LARP7: variants seen among roughly 807,000 people sequenced by gnomAD.
LARP7 encodes La ribonucleoprotein 7, transcriptional regulator.
LARP7 carries 52 observed loss-of-function variants against 69.3 expected under a neutral mutation model. That is an observed-to-expected ratio of 0.75 (90% CI 0.60 to 0.95). The LOEUF (loss-of-function observed/expected upper bound fraction) is 0.95, where lower values mean the gene tolerates loss of function less well. LARP7 is among the 40% of genes least tolerant of loss of function. The probability of loss-of-function intolerance (pLI) is 0.00; values close to 1 mark genes in which losing one functional copy is unlikely to be tolerated. For missense variants in LARP7, 733 were observed against 673.0 expected, an observed-to-expected ratio of 1.09 and a Z score of -0.99; for synonymous variants, 254 against 215.9, an observed-to-expected ratio of 1.18 and a Z score of -1.55.
chr4:112,640,910 T>G (rs2047935288), intron 1 of LARP7, among the ~76,000 whole-genome samples: 1 of 151,904 alleles, frequency 6.6e-6, no homozygotes, highest in Admixed American at 6.6e-5. Flanking sequence ...GTAAGGAAGG[T>G]AAAGGGAGCA....
chr4:112,645,682 C>G (rs942511968), intron 2 of LARP7: 4 of 443,876 alleles, frequency 9.0e-6, no homozygotes, highest in Non-Finnish European at 1.8e-5. Context: ...ACCAGGCCGG[C>G]TTTTTTTTCT....
chr4:112,647,312 TC>T lies in LARP7; in HGVS notation c.762del (p.Arg255AspfsTer52), dbSNP rs1356288815. ...CACCAGCATCAGTAAAATGAAAAGA[TC>T]CAGACCCACATCTGAGGGCTCTGAC... ...SNTSISKMKR[S>X]RPTSEGSDIE... On this transcript the variant is annotated frameshift_variant, in exon 7 of 13. Coordinates refer to ENST00000344442, the MANE Select transcript of LARP7 (RefSeq NM_016648.4). LOFTEE classifies it high-confidence loss of function. The T allele has an allele frequency of 6.2e-7, 1 of 1,613,678 alleles. No individual in the cohort carries two copies. The highest frequency in any genetic ancestry group is 8.5e-7 in the Non-Finnish European group (1 of 1,179,966).
chr4:112,654,161 T>C lies in LARP7; in HGVS notation c.1668+2T>C. 1 of 1,610,704 alleles carries C rather than the reference T, an allele frequency of 6.2e-7. No individual in the cohort carries two copies. Among genetic ancestry groups the C allele is most frequent in the Non-Finnish European group, 8.5e-7 (1 of 1,177,168 alleles). On this transcript the variant is annotated splice_donor_variant, in intron 12 of 12. Coordinates refer to ENST00000344442, the MANE Select transcript of LARP7 (RefSeq NM_016648.4). LOFTEE classifies it high-confidence loss of function. ...GAAAAGAAAAGAGGCACTGAAAAGG[T>C]AATTGATTCATTTTTGTTTTTTTAG...
intron 8 of LARP7, 116 bp downstream of exon 8, chr4:112,647,950 CAAG>C: frequency 1.2e-6 from 1 of 807,768 alleles, no homozygotes; most frequent in Non-Finnish European, 2.2e-6. Context: ...GGCCTGTAGC[CAAG>C]AACTGCACAC....
intron 2 of LARP7, chr4:112,645,576 G>A (rs1560925147): frequency 1.3e-5 from 6 of 456,042 alleles, no homozygotes; most frequent in South Asian, 9.3e-5. Context: ...CTCCATGTCT[G>A]CTCACTCCAA....
At chr4:112,648,326 A>G in intron 8 of LARP7, 1 of 529,448 alleles carries the variant, frequency 1.9e-6, no homozygotes, top group South Asian at 1.4e-5. Context: ...CAATAACAAA[A>G]AAATTTTGTA....
chr4:112,646,518 A>G, intron 3 of LARP7, 67 bp downstream of exon 3: 2 of 1,263,388 alleles, frequency 1.6e-6, no homozygotes, highest in South Asian at 3.0e-5. Context: ...TAACGTAATG[A>G]TTATTATATG....
At chr4:112,638,455 C>T (rs1372779756) in intron 1 of LARP7, among the ~76,000 whole-genome samples, 1 of 152,196 alleles carries the variant, frequency 6.6e-6, no homozygotes, top group Non-Finnish European at 1.5e-5. Flanking sequence ...TAACTCGCTA[C>T]AGCAACATGG....
rs1163778113 is a variant in LARP7, at chr4:112,653,148, A to G, written c.1488A>G (p.Arg496=). The G allele has an allele frequency of 6.2e-7, 1 of 1,611,402 alleles. No individual in the cohort carries two copies. Among genetic ancestry groups the G allele is most frequent in the Non-Finnish European group, 8.5e-7 (1 of 1,178,728 alleles). The change falls in exon 11 of 13, where the codon AGA becomes AGG. Residue 496 remains arginine (R), a synonymous_variant. Coordinates refer to ENST00000344442, the MANE Select transcript of LARP7 (RefSeq NM_016648.4). The part of the protein sequence containing the change: ...LLEGDTECHA[R]FKTPEDAQAV... ...AAGGGGATACAGAATGCCATGCTAG[A>G]TTTAAAACTCCTGAGGATGCTCAAG...
At chr4:112,645,780 T>C in intron 2 of LARP7, 1 of 355,186 alleles carries the variant, frequency 2.8e-6, no homozygotes, top group Admixed American at 3.9e-5. Context: ...CACCCCTGAA[T>C]TGCTGAGATA....
intron 4 of LARP7, 34 bp downstream of exon 4, chr4:112,646,705 C>T: frequency 1.9e-6 from 3 of 1,559,762 alleles, no homozygotes; most frequent in African/African-American, 1.4e-5. Context: ...CAGTCAGAAA[C>T]TGGCACAGAA....
intron 10 of LARP7, among the ~76,000 whole-genome samples, chr4:112,650,973 C>A (rs2048704493): frequency 6.6e-6 from 1 of 152,154 alleles, no homozygotes; most frequent in African/African-American, 2.4e-5. Context: ...ACCCATACTT[C>A]TATATAATTT....
chr4:112,656,482 G>A (rs2048959953), intron 12 of LARP7, among the ~76,000 whole-genome samples: 2 of 149,738 alleles, frequency 1.3e-5, no homozygotes, highest in East Asian at 2.0e-4. Context: ...ATGAAGGAAA[G>A]GTCTGCCAAA....
rs1364387657 is a variant in LARP7 at position 112,646,910 on chromosome 4, G to A, written c.507G>A (p.Ala169=). 9.3e-6 allele frequency: 15 copies of A among 1,608,616 alleles called. No homozygotes were observed. Among genetic ancestry groups the A allele is most frequent in the Middle Eastern group, 1.8e-4 (1 of 5,616 alleles). The change falls in exon 5 of 13, where the codon GCG becomes GCA. Residue 169 remains alanine (A), a synonymous_variant. Transcript: ENST00000344442. ...CTACTGGAGATCCAAAGGGATTTGCGTTTGTGGAATTTGAAACAAAAGAAC... is the reference window on the plus strand; with the variant it reads ...CTACTGGAGATCCAAAGGGATTTGCATTTGTGGAATTTGAAACAAAAGAAC... The part of the protein sequence containing the change: ...YKSTGDPKGF[A]FVEFETKEQA...
At chr4:112,641,874 G>A (rs1313908975) in intron 1 of LARP7, among the ~76,000 whole-genome samples, 2 of 152,118 alleles carry the variant, frequency 1.3e-5, no homozygotes, top group Admixed American at 1.3e-4. Context: ...GCTAATGGGA[G>A]AAGATAGATT....
chr4:112,656,197 G>C (rs1164142376), intron 12 of LARP7, among the ~76,000 whole-genome samples: 1 of 152,122 alleles, frequency 6.6e-6, no homozygotes, highest in African/African-American at 2.4e-5. Context: ...TTGAGGTCAG[G>C]AGTTGGAGAC....
chr4:112,647,357 C>A lies in LARP7; in HGVS notation c.805C>A (p.Gln269Lys), dbSNP rs1260078099. The change falls in exon 7 of 13, where the codon CAA (glutamine) becomes AAA (lysine). Residue 269 changes from glutamine (Q) to lysine (K), a missense_variant. Transcript: ENST00000344442. The stretch of plus-strand genomic sequence containing the variant: ...CTCTGACATTGAGTCCACTGAACCC[C>A]AAAAGCAGTGCTCAAAGAAAAAGAA... ...EGSDIESTEP[Q>K]KQCSKKKKKR... The A allele has an allele frequency of 6.2e-7, 1 of 1,613,930 alleles. No homozygotes were observed. The highest frequency in any genetic ancestry group is 8.5e-7 in the Non-Finnish European group (1 of 1,179,984).
Position 112,657,352 on chromosome 4 carries a change from T to A in LARP7, c.*25T>A, listed in dbSNP as rs1489521860. On this transcript the variant is annotated 3_prime_UTR_variant, in exon 13 of 13. Transcript: ENST00000344442. Reference sequence around the variant, plus strand: ...AAAAAAAAAACAGTTCACCTCTTAATACTTCACAAGATACTTGAGCTGTTC... The same window carrying A: ...AAAAAAAAAACAGTTCACCTCTTAAAACTTCACAAGATACTTGAGCTGTTC... The A allele has an allele frequency of 7.9e-7, 1 of 1,267,988 alleles. No individual in the cohort carries two copies. The highest frequency in any genetic ancestry group is 1.5e-5 in the African/African-American group (1 of 66,990). The allele number at this position is 1,267,988 out of a possible 1,614,324, so 78.5% of individuals were successfully genotyped here.
Position 112,644,775 on chromosome 4 carries a change from G to A in LARP7, c.106G>A (p.Ala36Thr), listed in dbSNP as rs775430171. ...KKRSRVKQVLADIAKQVDFWF... is the reference protein window; with the variant it reads ...KKRSRVKQVLTDIAKQVDFWF... Reference sequence around the variant, plus strand: ...ACGGTCACGAGTTAAACAGGTGCTTGCAGATATTGCTAAGCAAGTGGACTT... The same window carrying A: ...ACGGTCACGAGTTAAACAGGTGCTTACAGATATTGCTAAGCAAGTGGACTT... Residue 36 changes from alanine (A) to threonine (T), a missense_variant, in exon 2 of 13, where the codon GCA (alanine) becomes ACA (threonine). Transcript: ENST00000344442. 15 of 1,607,026 alleles carry A rather than the reference G, an allele frequency of 9.3e-6. No homozygotes were observed. The Admixed American group carries it at 2.5e-4, about 27-fold the overall frequency.
Sources: allele counts gnomAD v4.1 joint callset (sites outside exome capture counted in the v4.1 genomes callset), GRCh38; gene constraint gnomAD v4.1.1; transcripts MANE v1.5; gene names NCBI Gene and HGNC (gene_info 2026-07-23, HGNC 2026-07-21).